Variants in GPSM1 observed in about 807,000 individuals in gnomAD.
GPSM1 encodes the protein G protein signaling modulator 1.
In GPSM1, 48 loss-of-function variants were observed where a neutral mutation model predicts 70.5. That is an observed-to-expected ratio of 0.68 (90% CI 0.54 to 0.87). The LOEUF (loss-of-function observed/expected upper bound fraction) is 0.87. Among genes scored for constraint, GPSM1 ranks in the 40% least tolerant of loss-of-function variants. The probability of loss-of-function intolerance (pLI) is 0.00; values close to 1 mark genes in which losing one functional copy is unlikely to be tolerated. For synonymous variants in GPSM1, 416 were observed against 430.1 expected, an observed-to-expected ratio of 0.97 and a Z score of 0.41; for missense variants, 981 against 972.6, an observed-to-expected ratio of 1.01 and a Z score of -0.11.
rs1484174278 is a variant in GPSM1 at position 136,342,125 on chromosome 9, T to C, written c.1207+1132T>C. 6.6e-6 allele frequency among the ~76,000 whole-genome samples: 1 copy of C among 151,176 alleles called. No individual in the cohort carries two copies. Among genetic ancestry groups the C allele is most frequent in the South Asian group, 2.1e-4 (1 of 4,776 alleles). ...GCTGTGACCGATGGCAGTGGGTGGG[T>C]AGGGGATGGGCTGGAATGTGCCCCC... On this transcript the variant is annotated intron_variant, in intron 9 of 13. Coordinates refer to ENST00000440944, the MANE Select transcript of GPSM1 (RefSeq NM_001145638.3). The surrounding 1 kb of genome is among the most constrained non-coding windows in gnomAD (Gnocchi z 5.5).
Position 136,340,919 on chromosome 9 carries a change from T to G in GPSM1, c.1133T>G (p.Leu378Arg). 1 of 1,572,116 alleles carries G rather than the reference T, an allele frequency of 6.4e-7. No homozygotes were observed. The highest frequency in any genetic ancestry group is 8.6e-7 in the Non-Finnish European group (1 of 1,160,210). The stretch of plus-strand genomic sequence containing the variant: ...ACGGCCCGCATGAACGTGGCGCAGC[T>G]GCAGCTGGTGCTCGGCCGCCTGACC... ...ELTARMNVAQ[L>R]QLVLGRLTSP... The change falls in exon 9 of 14, where the codon CTG (leucine) becomes CGG (arginine). Residue 378 changes from leucine (L) to arginine (R), a missense_variant. Leu to Arg is a moderately radical substitution (Grantham distance 102, BLOSUM62 -2). Coordinates refer to ENST00000440944, the MANE Select transcript of GPSM1 (RefSeq NM_001145638.3). This position sits in a 1 kb window ranked among gnomAD's most constrained non-coding sequence, Gnocchi z 7.3.
intron 6 of GPSM1, among the ~76,000 whole-genome samples, chr9:136,338,342 C>T (rs1292118069): frequency 3.3e-5 from 5 of 152,236 alleles, no homozygotes; most frequent in Non-Finnish European, 1.5e-5. Flanking sequence ...GGTGGTCAGG[C>T]AACTTGCCAG....
At chr9:136,338,171 G>A (rs1770156181) in intron 6 of GPSM1, among the ~76,000 whole-genome samples, 1 of 152,198 alleles carries the variant, frequency 6.6e-6, no homozygotes, top group Non-Finnish European at 1.5e-5. Context: ...GGGAGGTCTG[G>A]GCCATCTGCC....
intron 1 of GPSM1, among the ~76,000 whole-genome samples, chr9:136,330,301 G>A (rs1414979810): frequency 2.6e-5 from 4 of 152,120 alleles, no homozygotes; most frequent in East Asian, 1.9e-4. Context: ...CAGACAGGAC[G>A]TCCTCAGGTG....
intron 5 of GPSM1, 31 bp downstream of exon 5, chr9:136,337,595 G>A (rs1554769498): frequency 1.3e-6 from 2 of 1,545,548 alleles, no homozygotes; most frequent in East Asian, 2.4e-5. Context: ...GGGTGGAGGG[G>A]CCGGGCTGCT....
At chr9:136,347,664 A>G (rs1554771478) in intron 9 of GPSM1, among the ~76,000 whole-genome samples, 1 of 152,146 alleles carries the variant, frequency 6.6e-6, no homozygotes, top group East Asian at 1.9e-4. Flanking sequence ...CAGCCACAGC[A>G]TCGGGCCCTT....
At position 136,337,429 on chromosome 9, in the gene GPSM1, C is replaced by G. The variant is rs1832269906; in HGVS notation, c.579-12C>G. The G allele has an allele frequency of 1.9e-6, 3 of 1,567,926 alleles. No homozygotes were observed. The highest frequency in any genetic ancestry group is 2.7e-5 in the African/African-American group (2 of 74,470). The stretch of plus-strand genomic sequence containing the variant: ...CTGGGAGGGACACGGCTCAGAGGCA[C>G]TCGGCCCCCAGGAGGAACCTGTCCC... On this transcript the variant is annotated splice_polypyrimidine_tract_variant and intron_variant, in intron 4 of 13. Transcript: ENST00000440944.
Position 136,336,890 on chromosome 9 carries a change from G to A in GPSM1, c.427-31G>A, listed in dbSNP as rs1381362690. ...GCACATCGTGTGGGGGGCCGTGGAG[G>A]CATGCCCCCAACCCTCCGTACTGCC... On this transcript the variant is annotated intron_variant, in intron 3 of 13. Transcript: ENST00000440944. 3.2e-5 allele frequency: 49 copies of A among 1,539,536 alleles called. No homozygotes were observed. In the African/African-American group the frequency reaches 4.1e-4, roughly 13 times the overall value.
At position 136,335,924 on chromosome 9, in the gene GPSM1, A is replaced by G. The variant is rs28617247; in HGVS notation, c.291-42A>G. 2,072 of 1,600,062 alleles carry G rather than the reference A, an allele frequency of 1.3e-3. 57 individuals carry two copies. In the East Asian group the frequency reaches 0.041, roughly 32 times the overall value. Reference sequence around the variant, plus strand: ...GCCTCCCCCCGGGCCCAGAGGCCTGACCAGTCCTCAGCCTGACCCCTCACT... The same window carrying G: ...GCCTCCCCCCGGGCCCAGAGGCCTGGCCAGTCCTCAGCCTGACCCCTCACT... On this transcript the variant is annotated intron_variant, in intron 2 of 13. Transcript: ENST00000440944.
At position 136,327,626 on chromosome 9, in the gene GPSM1, A is replaced by T. The variant is rs1832000498; in HGVS notation, c.-70A>T. ...CAGGGCGGACAGCAGGGAGGACAGC[A>T]GGGCGGGCAGGGGGCGGACGGCCAC... On this transcript the variant is annotated 5_prime_UTR_variant, in exon 1 of 14. Coordinates refer to ENST00000440944, the MANE Select transcript of GPSM1 (RefSeq NM_001145638.3). 3.1e-6 allele frequency: 1 copy of T among 324,052 alleles called. No homozygotes were observed. The highest frequency in any genetic ancestry group is 4.7e-6 in the Non-Finnish European group (1 of 214,520). The allele number at this position is 324,052 out of a possible 1,614,324, so 20.1% of individuals were successfully genotyped here. A position where few individuals can be genotyped will look rare whatever the true frequency, so the allele number is the denominator to read the frequency against.
rs575944404 is a variant in GPSM1, at chr9:136,344,069, G to A, written c.1207+3076G>A. ...GTCCAGCAGCTGATAGGTGAGGAAC[G>A]GGGAGCCCAGGAGTGAGCCACATGG... On this transcript the variant is annotated intron_variant, in intron 9 of 13. Coordinates refer to ENST00000440944, the MANE Select transcript of GPSM1 (RefSeq NM_001145638.3). Among the ~76,000 whole-genome samples, 426 of 152,154 alleles carry A rather than the reference G, an allele frequency of 2.8e-3. 2 individuals are homozygous for A. The highest frequency in any genetic ancestry group is 4.4e-3 in the Non-Finnish European group (302 of 68,012).
chr9:136,354,960 G>A (rs1293987875), intron 11 of GPSM1: 2 of 1,045,250 alleles, frequency 1.9e-6, no homozygotes, highest in African/African-American at 3.5e-5. Flanking sequence ...GACGGACAGA[G>A]GCCTGGACTG....
Position 136,337,014 on chromosome 9 carries a change from C to A in GPSM1, c.520C>A (p.Pro174Thr). The part of the protein sequence containing the change: ...SWNAANATQD[P>T]GHLPPDVRET... The stretch of plus-strand genomic sequence containing the variant: ...GAACGCCGCAAACGCCACGCAGGAC[C>A]CCGGGCACCTGCCGCCCGATGTCCG... The change falls in exon 4 of 14, where the codon CCC (proline) becomes ACC (threonine). Residue 174 changes from proline to threonine, a missense_variant. By Grantham distance (38) the Pro-to-Thr change is conservative. Transcript: ENST00000440944. 6.4e-7 allele frequency: 1 copy of A among 1,552,428 alleles called. No individual in the cohort carries two copies. The highest frequency in any genetic ancestry group is 1.2e-5 in the South Asian group (1 of 84,144).
intron 12 of GPSM1, 131 bp downstream of exon 12, chr9:136,355,977 T>C (rs1311511746): frequency 2.0e-5 from 15 of 738,052 alleles, no homozygotes; most frequent in Non-Finnish European, 3.0e-5. Context: ...ACCCTGTCAC[T>C]GAGGGCGCCC....
At chr9:136,345,385 T>C (rs1832498381) in intron 9 of GPSM1, among the ~76,000 whole-genome samples, 1 of 152,210 alleles carries the variant, frequency 6.6e-6, no homozygotes, top group Non-Finnish European at 1.5e-5. Context: ...CCAAGGGCGC[T>C]GGACTCACAC....
chr9:136,358,511 C>T lies in GPSM1; in HGVS notation c.*291C>T. On this transcript the variant is annotated 3_prime_UTR_variant, in exon 14 of 14. Coordinates refer to ENST00000440944, the MANE Select transcript of GPSM1 (RefSeq NM_001145638.3). ...ACCTGGTGCTGTCAGACTCCCGCAT[C>T]CTCTCCCCCAAGCCCTTCCCGTTCT... 1 of 534,062 alleles carries T rather than the reference C, an allele frequency of 1.9e-6. No individual in the cohort carries two copies. Among genetic ancestry groups the T allele is most frequent in the Non-Finnish European group, 3.3e-6 (1 of 304,976 alleles). 33.1% of individuals were successfully genotyped at this position (534,062 alleles called of 1,614,324 possible). A position where few individuals can be genotyped will look rare whatever the true frequency, so the allele number is the denominator to read the frequency against.
At chr9:136,334,399 G>A in intron 1 of GPSM1, 48 bp from the exon 2 acceptor site, 1 of 1,469,770 alleles carries the variant, frequency 6.8e-7, no homozygotes, top group Non-Finnish European at 9.4e-7. Flanking sequence ...TCCGGCCCCG[G>A]GGCGACTTTG....
chr9:136,356,523 C>A lies in GPSM1; in HGVS notation c.1794C>A (p.Asp598Glu), dbSNP rs868970178. The A allele has an allele frequency of 6.2e-7, 1 of 1,611,726 alleles. No homozygotes were observed. ...GHGEPQEPGDDFFNMLIKYQS... is the reference protein window; with the variant it reads ...GHGEPQEPGDEFFNMLIKYQS... ...GCGAGCCCCAGGAGCCGGGGGACGA[C>A]TTCTTCAACATGCTCATCAAGTACC... Residue 598 changes from aspartate (D) to glutamate (E), a missense_variant, in exon 13 of 14, where the codon GAC becomes GAA. Transcript: ENST00000440944.
At chr9:136,357,134 C>T (rs62579181) in intron 13 of GPSM1, among the ~76,000 whole-genome samples, 1 of 152,158 alleles carries the variant, frequency 6.6e-6, no homozygotes, top group East Asian at 1.9e-4. Flanking sequence ...GTAGGGTGGC[C>T]GGAGTGGAGA....
Sources: gnomAD v4.1 joint callset for allele counts (sites outside exome capture counted in the v4.1 genomes callset) on GRCh38, gnomAD v4.1.1 for gene constraint, Gnocchi (gnomAD v3.1) non-coding constraint, MANE v1.5 for transcripts, NCBI Gene and HGNC (gene_info 2026-07-23, HGNC 2026-07-21) for gene names.